KIF3C: variants seen among roughly 807,000 people sequenced by gnomAD.
KIF3C encodes kinesin family member 3C, also known as kinesin-like protein KIF3C.
Under a neutral mutation model 67.7 loss-of-function variants are expected in KIF3C, and 12 were observed. The observed-to-expected ratio is 0.18, with a 90% CI of 0.11 to 0.29. The LOEUF is 0.29. KIF3C is among the 10% of genes least tolerant of loss of function. The probability of loss-of-function intolerance (pLI) is 1.00; values close to 1 mark genes in which losing one functional copy is unlikely to be tolerated. For synonymous variants in KIF3C, 393 were observed against 426.2 expected, an observed-to-expected ratio of 0.92 and a Z score of 0.96; for missense variants, 789 against 1,059.6, an observed-to-expected ratio of 0.74 and a Z score of 3.55.
chr2:25,929,534 G>T, intron 6 of KIF3C, 57 bp from the exon 7 acceptor site: 1 of 1,508,902 alleles, frequency 6.6e-7, no homozygotes, highest in Non-Finnish European at 9.2e-7. Context: ...TGCCTTCTAG[G>T]GACTCAGCCA....
rs1450304599 is a variant in KIF3C at position 25,980,196 on chromosome 2, C to T, written c.1545+177G>A. Among the ~76,000 whole-genome samples, 1 of 152,188 alleles carries T rather than the reference C, an allele frequency of 6.6e-6. No individual in the cohort carries two copies. Among genetic ancestry groups the T allele is most frequent in the Non-Finnish European group, 1.5e-5 (1 of 68,034 alleles). On this transcript the variant is annotated intron_variant, in intron 1 of 7. Transcript: ENST00000264712. The surrounding 1 kb of genome is among the most constrained non-coding windows in gnomAD (Gnocchi z 7.6). ...GTGTGCCTGTGCATGTACCTGGCAG[C>T]CCGGTATCACAGCAATTTGCCTGGC...
rs78220620 is a variant in KIF3C, at chr2:25,929,108, G to C, written c.2289-37C>G. 5,595 of 1,570,116 alleles carry C rather than the reference G, an allele frequency of 3.6e-3. 166 individuals are homozygous for C. The African/African-American group carries it at 0.067, about 19-fold the overall frequency. The stretch of plus-strand genomic sequence containing the variant: ...ATGACGCAGGCGAAAGGGGAGGTTA[G>C]GGAAATACAGGAAACAGGAAAGTGG... On this transcript the variant is annotated intron_variant, in intron 7 of 7. Transcript: ENST00000264712.
chr2:25,935,627 G>A (rs1445210580), intron 5 of KIF3C, among the ~76,000 whole-genome samples: 1 of 152,060 alleles, frequency 6.6e-6, no homozygotes, highest in Non-Finnish European at 1.5e-5. Context: ...CTCCCAAAGT[G>A]CTGGGACTTT....
chr2:25,951,711 G>C, intron 5 of KIF3C, 78 bp downstream of exon 5: 1 of 887,622 alleles, frequency 1.1e-6, no homozygotes, highest in Non-Finnish European at 1.8e-6. Flanking sequence ...TGCAGGCAAG[G>C]CCTCAGGCCC....
At position 25,951,881 on chromosome 2, in the gene KIF3C, G is replaced by A. The variant is rs1393540213; in HGVS notation, c.1914C>T (p.Ile638=). ...TGATCTTGTTCTTCTCCTCCGGCGG[G>A]ATGAAGTTCTCGATGATTAGGTACC... ...KLKYLIIENF[I]PPEEKNKIMN... The change falls in exon 5 of 8, where the codon ATC becomes ATT. Residue 638 remains isoleucine, a synonymous_variant. Coordinates refer to ENST00000264712, the MANE Select transcript of KIF3C (RefSeq NM_002254.8). 1 of 1,613,832 alleles carries A rather than the reference G, an allele frequency of 6.2e-7. No homozygotes were observed. The highest frequency in any genetic ancestry group is 2.2e-5 in the East Asian group (1 of 44,872).
At chr2:25,977,132 C>T (rs1187507272) in intron 1 of KIF3C, among the ~76,000 whole-genome samples, 6 of 152,026 alleles carry the variant, frequency 3.9e-5, no homozygotes, top group East Asian at 3.8e-4. Flanking sequence ...TTTGCACACC[C>T]GAACATCCCC....
intron 5 of KIF3C, among the ~76,000 whole-genome samples, chr2:25,940,205 C>G (rs994931140): frequency 1.3e-5 from 2 of 152,152 alleles, no homozygotes; most frequent in Admixed American, 1.3e-4. Flanking sequence ...TCAACCTTGA[C>G]AGTCCTGCAA....
intron 5 of KIF3C, among the ~76,000 whole-genome samples, chr2:25,931,249 T>C (rs899744406): frequency 3.3e-5 from 5 of 151,672 alleles, no homozygotes; most frequent in Non-Finnish European, 5.9e-5. Context: ...CTGAGGTCAG[T>C]AGTTCGAGAC....
At chr2:25,970,722 C>T (rs575587400) in intron 1 of KIF3C, among the ~76,000 whole-genome samples, 42 of 148,206 alleles carry the variant, frequency 2.8e-4, no homozygotes, top group South Asian at 4.3e-4. Flanking sequence ...GCATTAAGCA[C>T]GCATGGAAGA....
At chr2:25,963,019 TAATATATAATATATAATATATAATATATA>T (rs1664033106) in intron 1 of KIF3C, among the ~76,000 whole-genome samples, 1 of 30,926 alleles carries the variant, frequency 3.2e-5, no homozygotes, top group Non-Finnish European at 4.5e-5. Context: ...ATAATATATA[TAATATATAATATATAATATATAATATATA>T]AATATATAAA....
chr2:25,979,594 G>T (rs2149245255), intron 1 of KIF3C, among the ~76,000 whole-genome samples: 1 of 152,268 alleles, frequency 6.6e-6, no homozygotes, highest in East Asian at 1.9e-4. Context: ...CTCTGGTATA[G>T]AGTTTGGTGC....
chr2:25,963,745 T>C (rs1027247850), intron 1 of KIF3C, among the ~76,000 whole-genome samples: 2 of 150,792 alleles, frequency 1.3e-5, no homozygotes, highest in Non-Finnish European at 3.0e-5. Flanking sequence ...CAGGCTAGAG[T>C]GCAGTGGCGT....
At chr2:25,950,289 C>A (rs961096672) in intron 5 of KIF3C, among the ~76,000 whole-genome samples, 4 of 150,296 alleles carry the variant, frequency 2.7e-5, no homozygotes, top group African/African-American at 9.8e-5. Context: ...GTGATCTTGG[C>A]TCACTGCAAC....
At chr2:25,961,565 GGGA>G (rs916911969) in intron 1 of KIF3C, among the ~76,000 whole-genome samples, 9 of 152,180 alleles carry the variant, frequency 5.9e-5, no homozygotes, top group African/African-American at 1.7e-4. Context: ...CCCTAAAAAG[GGGA>G]GGAGGAGGAG....
chr2:25,936,865 A>C (rs1663144514), intron 5 of KIF3C, among the ~76,000 whole-genome samples: 1 of 152,226 alleles, frequency 6.6e-6, no homozygotes, highest in Non-Finnish European at 1.5e-5. Context: ...AAAAGAAAGG[A>C]AAGAAAACAA....
chr2:25,938,206 T>C (rs920022868), intron 5 of KIF3C: 2 of 418,100 alleles, frequency 4.8e-6, no homozygotes, highest in Admixed American at 2.8e-5. Flanking sequence ...CTACCAAAAA[T>C]ACAAAAATTA....
intron 1 of KIF3C, among the ~76,000 whole-genome samples, chr2:25,963,174 G>GTGTGTATA (rs1207447041): frequency 5.8e-5 from 2 of 34,306 alleles, no homozygotes; most frequent in African/African-American, 1.7e-4. Flanking sequence ...ATGTGTGTGT[G>GTGTGTATA]TATATATATA....
rs1281471128 is a variant in KIF3C, at chr2:25,928,808, A to C, written c.*170T>G. The C allele has an allele frequency of 6.8e-6, 4 of 592,132 alleles. No individual in the cohort carries two copies. The highest frequency in any genetic ancestry group is 1.2e-5 in the Non-Finnish European group (4 of 334,128). 36.7% of individuals were successfully genotyped at this position (592,132 alleles called of 1,614,324 possible). On this transcript the variant is annotated 3_prime_UTR_variant, in exon 8 of 8. Coordinates refer to ENST00000264712, the MANE Select transcript of KIF3C (RefSeq NM_002254.8). ...CGAATAAATAACATGAATTAAATAA[A>C]GGAGGCGAAGAAGAGCAGGCAGAGG...
At chr2:25,964,412 C>A (rs542137215) in intron 1 of KIF3C, among the ~76,000 whole-genome samples, 81 of 152,212 alleles carry the variant, frequency 5.3e-4, no homozygotes, top group Non-Finnish European at 1.0e-3. Context: ...TTGTGGAGGC[C>A]TGAGCTTTCC....
Sources: gnomAD v4.1 joint callset for allele counts (sites outside exome capture counted in the v4.1 genomes callset) on GRCh38, gnomAD v4.1.1 for gene constraint, Gnocchi (gnomAD v3.1) non-coding constraint, MANE v1.5 for transcripts, NCBI Gene and HGNC (gene_info 2026-07-23, HGNC 2026-07-21) for gene names.